The following ARFGEF2 variants were observed in gnomAD, a reference collection of about 807,000 sequenced individuals.
The protein encoded by ARFGEF2 is ARF guanine nucleotide exchange factor 2.
In ARFGEF2, 74 loss-of-function variants were observed where a neutral mutation model predicts 219.9. The observed-to-expected ratio is 0.34, with a 90% CI of 0.28 to 0.41. The LOEUF is 0.41. ARFGEF2 is among the 10% of genes least tolerant of loss of function. The pLI is 1.00. For missense variants in ARFGEF2, 1,743 were observed against 2,218.3 expected, an observed-to-expected ratio of 0.79 and a Z score of 4.30; for synonymous variants, 733 against 799.2, an observed-to-expected ratio of 0.92 and a Z score of 1.40.
intron 25 of ARFGEF2, among the ~76,000 whole-genome samples, chr20:49,000,769 T>C (rs986461310): frequency 2.6e-5 from 4 of 152,226 alleles, no homozygotes; most frequent in African/African-American, 7.2e-5. Context: ...AAAAGTGTTT[T>C]GGTAAACGTT....
chr20:48,951,393 A>C lies in ARFGEF2; in HGVS notation c.347A>C (p.Asp116Ala). ...GGAGCCCCTGGGAAGCGGCTGATCG[A>C]CAGAATTGTTGAAACCATTTGCAGT... ...DSGAPGKRLI[D>A]RIVETICSCF... The change falls in exon 4 of 39, where the codon GAC becomes GCC. Residue 116 changes from aspartate (D) to alanine (A), a missense_variant. Transcript: ENST00000371917. 6.2e-7 allele frequency: 1 copy of C among 1,614,216 alleles called. No homozygotes were observed. The highest frequency in any genetic ancestry group is 8.5e-7 in the Non-Finnish European group (1 of 1,180,042).
At position 49,014,975 on chromosome 20, in the gene ARFGEF2, A is replaced by G. The variant is rs140679438; in HGVS notation, c.4179+1015A>G. Among the ~76,000 whole-genome samples the G allele has an allele frequency of 2.6e-4, 39 of 152,358 alleles. 1 individual carries two copies. In the East Asian group the frequency reaches 6.7e-3, roughly 26 times the overall value. ...CTTTCATCTGTGTGTCCACCCACAC[A>G]TGCATTTGTGATCCACTTTTTTCTT... On this transcript the variant is annotated intron_variant, in intron 30 of 38. Transcript: ENST00000371917.
At position 49,019,006 on chromosome 20, in the gene ARFGEF2, C is replaced by T. The variant is rs1241156086; in HGVS notation, c.4624+8C>T. ...AGGGTAGACCATACGCAAGTAAGGCCACTTTTTAATTTGTTTTAAATAAGT... is the reference window on the plus strand; with the variant it reads ...AGGGTAGACCATACGCAAGTAAGGCTACTTTTTAATTTGTTTTAAATAAGT... On this transcript the variant is annotated splice_region_variant and intron_variant, in intron 34 of 38. Transcript: ENST00000371917. 2 of 1,604,932 alleles carry T rather than the reference C, an allele frequency of 1.2e-6. No individual in the cohort carries two copies. The highest frequency in any genetic ancestry group is 2.2e-5 in the East Asian group (1 of 44,796).
intron 23 of ARFGEF2, among the ~76,000 whole-genome samples, chr20:48,996,787 G>T (rs1204709358): frequency 1.4e-5 from 2 of 147,294 alleles, no homozygotes; most frequent in Non-Finnish European, 3.0e-5. Flanking sequence ...AGTTGGCTGA[G>T]TTGACAGTTT....
intron 1 of ARFGEF2, among the ~76,000 whole-genome samples, chr20:48,925,920 A>T (rs1801131892): frequency 6.6e-6 from 1 of 152,244 alleles, no homozygotes; most frequent in Admixed American, 6.5e-5. Flanking sequence ...TAAAAAGAAT[A>T]GTAAACATAC....
intron 6 of ARFGEF2, among the ~76,000 whole-genome samples, chr20:48,960,863 C>T (rs1419737139): frequency 1.3e-5 from 2 of 150,898 alleles, no homozygotes; most frequent in South Asian, 2.1e-4. Context: ...AGGCAGATCA[C>T]GAGGTCAAGA....
chr20:48,951,567 G>A, intron 4 of ARFGEF2, 98 bp downstream of exon 4: 1 of 1,484,458 alleles, frequency 6.7e-7, no homozygotes, highest in Non-Finnish European at 9.4e-7. Flanking sequence ...TGTCTCAGGT[G>A]GTGCTGAGGT....
chr20:49,025,442 A>G lies in ARFGEF2; in HGVS notation c.4885A>G (p.Asn1629Asp). ...ATCCCATTCATTCTCAAAGGCCTTC[A>G]ACTCCAATTACGAGCAGCGGACTGT... is the stretch of plus-strand genomic sequence containing the variant. ...QESHSFSKAF[N>D]SNYEQRTVLW... Residue 1629 changes from asparagine (N) to aspartate (D), a missense_variant, in exon 36 of 39, where the codon AAC becomes GAC. Physicochemically the swap from Asn to Asp is conservative, Grantham distance 23. This residue lies in a region of ARFGEF2 where 578 missense variants were observed against 664.0 expected (regional missense o/e 0.87). Coordinates refer to ENST00000371917, the MANE Select transcript of ARFGEF2 (RefSeq NM_006420.3). 1 of 1,614,176 alleles carries G rather than the reference A, an allele frequency of 6.2e-7. No individual in the cohort carries two copies. The highest frequency in any genetic ancestry group is 1.7e-4 in the Middle Eastern group (1 of 6,058).
intron 3 of ARFGEF2, among the ~76,000 whole-genome samples, chr20:48,943,691 C>T (rs2091007492): frequency 6.6e-6 from 1 of 152,212 alleles, no homozygotes; most frequent in African/African-American, 2.4e-5. Flanking sequence ...CTGCCTCAGC[C>T]TCCCAAGTAG....
In ARFGEF2 at chr20:48,963,342, G is replaced by C. The variant is rs370550514; in HGVS notation, c.839-488G>C. Among the ~76,000 whole-genome samples the C allele has an allele frequency of 2.3e-4, 35 of 152,200 alleles. 1 individual carries two copies. The South Asian group carries it at 7.3e-3, about 32-fold the overall frequency. On this transcript the variant is annotated intron_variant, in intron 6 of 38. Coordinates refer to ENST00000371917, the MANE Select transcript of ARFGEF2 (RefSeq NM_006420.3). ...TACAGAATAATTTCATAAAAGTTTA[G>C]TAAATCCTTAACTATCACATTGGAA...
At chr20:48,941,336 G>C (rs1243561572) in intron 2 of ARFGEF2, 107 bp downstream of exon 2, 24 of 1,182,012 alleles carry the variant, frequency 2.0e-5, no homozygotes, top group Non-Finnish European at 6.2e-6. Flanking sequence ...AATCCTCAGG[G>C]GTGGCACACA....
chr20:49,032,051 T>G lies in ARFGEF2; in HGVS notation c.5066T>G (p.Val1689Gly). 3 of 1,611,382 alleles carry G rather than the reference T, an allele frequency of 1.9e-6. No homozygotes were observed. Among genetic ancestry groups the G allele is most frequent in the Non-Finnish European group, 2.5e-6 (3 of 1,177,494 alleles). ...WEEIQQRLLTVCSEALAYFIT... is the reference protein window; with the variant it reads ...WEEIQQRLLTGCSEALAYFIT... The stretch of plus-strand genomic sequence containing the variant: ...CTCCCCCTCTCTAATTCTTCTAGTG[T>G]TTGCAGTGAAGCTCTTGCCTATTTC... The change falls in exon 38 of 39, where the codon GTT becomes GGT. Residue 1689 changes from valine (V) to glycine (G), a missense_variant and splice_region_variant. Coordinates refer to ENST00000371917, the MANE Select transcript of ARFGEF2 (RefSeq NM_006420.3).
intron 1 of ARFGEF2, among the ~76,000 whole-genome samples, chr20:48,927,012 A>C (rs1372837205): frequency 2.0e-5 from 3 of 152,222 alleles, no homozygotes; most frequent in Non-Finnish European, 2.9e-5. Context: ...GGTGAAAGCC[A>C]GACTGGCATG....
chr20:49,022,939 A>AC, intron 34 of ARFGEF2, 112 bp from the exon 35 acceptor site: 1 of 1,416,538 alleles, frequency 7.1e-7, no homozygotes, highest in South Asian at 1.2e-5. Flanking sequence ...ACGTAGTGAG[A>AC]CCCCATCTCT....
chr20:49,009,534 G>C (rs2091483147), intron 26 of ARFGEF2, among the ~76,000 whole-genome samples: 1 of 152,094 alleles, frequency 6.6e-6, no homozygotes, highest in Non-Finnish European at 1.5e-5. Context: ...CGAAGCAGTA[G>C]GCTTATATAG....
Position 48,921,870 on chromosome 20 carries a change from G to GC in ARFGEF2, c.-15dup, listed in dbSNP as rs1568682585. ...ACGCCGCCCGCCCGCGGGGCCGTCA[G>GC]CCCCCGCCGGGCCGGGGCCATGCAG... is the stretch of plus-strand genomic sequence containing the variant. On this transcript the variant is annotated 5_prime_UTR_variant, in exon 1 of 39. Transcript: ENST00000371917. The GC allele has an allele frequency of 1.3e-6, 2 of 1,521,684 alleles. No individual in the cohort carries two copies. The highest frequency in any genetic ancestry group is 1.4e-5 in the African/African-American group (1 of 69,462). 94.3% of individuals were successfully genotyped at this position (1,521,684 alleles called of 1,614,324 possible).
chr20:48,998,394 T>C lies in ARFGEF2; in HGVS notation c.3321T>C (p.His1107=), dbSNP rs1010292905. The C allele has an allele frequency of 1.2e-6, 2 of 1,614,142 alleles. No homozygotes were observed. The highest frequency in any genetic ancestry group is 1.7e-6 in the Non-Finnish European group (2 of 1,180,042). Residue 1107 remains histidine, a synonymous_variant, in exon 25 of 39, where the codon CAT becomes CAC. Coordinates refer to ENST00000371917, the MANE Select transcript of ARFGEF2 (RefSeq NM_006420.3). ...VSMDELASPH[H]PRMFSLQKIV... ...TGGATGAACTGGCTTCCCCCCACCATCCTCGCATGTTCAGCTTGCAGAAGA... is the reference window on the plus strand; with the variant it reads ...TGGATGAACTGGCTTCCCCCCACCACCCTCGCATGTTCAGCTTGCAGAAGA...
chr20:49,019,055 T>C (rs928185181), intron 34 of ARFGEF2, 57 bp downstream of exon 34: 3 of 1,409,062 alleles, frequency 2.1e-6, no homozygotes. Context: ...GATTCATATA[T>C]TCAGAAGGCA....
At chr20:49,011,775 T>C in intron 27 of ARFGEF2, 149 bp from the exon 28 acceptor site, 1 of 1,018,180 alleles carries the variant, frequency 9.8e-7, no homozygotes, top group Non-Finnish European at 1.5e-6. Flanking sequence ...AAAAACTGTC[T>C]TCCAAAGATA....
Sources: gnomAD v4.1 joint callset for allele counts (sites outside exome capture counted in the v4.1 genomes callset) on GRCh38, gnomAD v4.1.1 for gene constraint, gnomAD v4.1.1 regional missense constraint, MANE v1.5 for transcripts, NCBI Gene and HGNC (gene_info 2026-07-23, HGNC 2026-07-21) for gene names.